FLYWCH1: variants seen among roughly 807,000 people sequenced by gnomAD.
The protein encoded by FLYWCH1 is FLYWCH-type zinc finger-containing protein 1.
Under a neutral mutation model 66.4 loss-of-function variants are expected in FLYWCH1, and 75 were observed. That is an observed-to-expected ratio of 1.13 (90% CI 0.94 to 1.37). The LOEUF (loss-of-function observed/expected upper bound fraction) is 1.37, where lower values mean the gene tolerates loss of function less well. Among genes scored for constraint, FLYWCH1 ranks in the 40% most tolerant of loss-of-function variants. The probability of loss-of-function intolerance (pLI) is 0.00; values close to 1 mark genes in which losing one functional copy is unlikely to be tolerated. For missense variants in FLYWCH1, 1,334 were observed against 1,001.8 expected (o/e 1.33, Z -4.48); for synonymous variants, 595 against 429.9 (o/e 1.38, Z -4.75).
intron 9 of FLYWCH1, among the ~76,000 whole-genome samples, chr16:2,942,281 G>A (rs1274379120): frequency 1.3e-5 from 2 of 151,966 alleles, no homozygotes; most frequent in Non-Finnish European, 2.9e-5. Flanking sequence ...CTGAGTAGCT[G>A]GGACTACATG....
intron 4 of FLYWCH1, among the ~76,000 whole-genome samples, chr16:2,931,252 C>A (rs1232966076): frequency 4.0e-5 from 6 of 148,354 alleles, no homozygotes; most frequent in African/African-American, 1.3e-4. Context: ...GCAGTAAGCC[C>A]AGATCGCTCC....
Position 2,940,037 on chromosome 16 carries a change from A to ATTCAAGTTCAGCTGTGC in FLYWCH1, c.2063_2079dup (p.Thr694PhefsTer115). On this transcript the variant is annotated frameshift_variant, in exon 9 of 10. Transcript: ENST00000253928. LOFTEE classifies it high-confidence loss of function. ...TTTCAATTATTTTTCCACAGAAAAG[A>ATTCAAGTTCAGCTGTGC]TTCAAGTTCAGCTGTGCTTCAAGAC... 6.3e-7 allele frequency: 1 copy of ATTCAAGTTCAGCTGTGC among 1,599,372 alleles called. No homozygotes were observed. Among genetic ancestry groups the ATTCAAGTTCAGCTGTGC allele is most frequent in the Non-Finnish European group, 8.6e-7 (1 of 1,168,724 alleles).
chr16:2,920,935 G>A (rs572087719), intron 2 of FLYWCH1, among the ~76,000 whole-genome samples: 7 of 146,508 alleles, frequency 4.8e-5, no homozygotes, highest in South Asian at 2.3e-4. Flanking sequence ...TCTGCCTCCC[G>A]GGTTCAAGCG....
At position 2,937,392 on chromosome 16, in the gene FLYWCH1, T is replaced by C; in HGVS notation, c.1777+8T>C. 10 of 1,537,838 alleles carry C rather than the reference T, an allele frequency of 6.5e-6. No individual in the cohort carries two copies. The highest frequency in any genetic ancestry group is 8.7e-6 in the Non-Finnish European group (10 of 1,145,048). ...CGCAGTGGGACAGCCCAGGTGCGTG[T>C]GGAGGGTGCTGGGCTGGGTCTGCCT... On this transcript the variant is annotated splice_region_variant and intron_variant, in intron 7 of 9. Transcript: ENST00000253928.
In FLYWCH1 at chr16:2,938,439, C is replaced by T; in HGVS notation, c.2033C>T (p.Ala678Val). The change falls in exon 8 of 10, where the codon GCC becomes GTC. Residue 678 changes from alanine (A) to valine (V), a missense_variant. Transcript: ENST00000253928. ...CAACGGGAGCGGCTCCCCACCACGG[C>T]CCAGCAGGAGGACCCAGGTACAGGC... ...LRQRERLPTT[A>V]QQEDPEKIQV... 6.6e-7 allele frequency: 1 copy of T among 1,525,790 alleles called. No homozygotes were observed. Among genetic ancestry groups the T allele is most frequent in the Non-Finnish European group, 8.8e-7 (1 of 1,137,820 alleles). 94.5% of individuals were successfully genotyped at this position (1,525,790 alleles called of 1,614,324 possible).
chr16:2,929,910 C>T lies in FLYWCH1; in HGVS notation c.225C>T (p.Thr75=), dbSNP rs762024599. The T allele has an allele frequency of 8.7e-6, 14 of 1,613,652 alleles. No individual in the cohort carries two copies. The Middle Eastern group carries it at 4.9e-4, about 57-fold the overall frequency. Residue 75 remains threonine (T), a synonymous_variant, in exon 3 of 10, where the codon ACC becomes ACT. Coordinates refer to ENST00000253928, the MANE Select transcript of FLYWCH1 (RefSeq NM_001308068.2). ...VLSLEMAGPA[T]LASTLQILPV... is the part of the protein sequence containing the mutation. Reference sequence around the variant, plus strand: ...CCCTGGAGATGGCTGGCCCCGCCACCCTCGCCAGCACCTTGCAGATCCTGC... The same window carrying T: ...CCCTGGAGATGGCTGGCCCCGCCACTCTCGCCAGCACCTTGCAGATCCTGC...
At position 2,930,706 on chromosome 16, in the gene FLYWCH1, C is replaced by G; in HGVS notation, c.622C>G (p.Pro208Ala). ...GLGEPQGPEG[P>A]GGRVEEPLEG... Reference sequence around the variant, plus strand: ...GGGAGAGCCCCAGGGTCCTGAGGGCCCTGGAGGCCGAGTGGAGGAGCCCCT... The same window carrying G: ...GGGAGAGCCCCAGGGTCCTGAGGGCGCTGGAGGCCGAGTGGAGGAGCCCCT... Residue 208 changes from proline (P) to alanine (A), a missense_variant, in exon 4 of 10, where the codon CCT (proline) becomes GCT (alanine). Physicochemically the swap from Pro to Ala is conservative, Grantham distance 27 (BLOSUM62 -1). Transcript: ENST00000253928. 6.5e-7 allele frequency: 1 copy of G among 1,544,864 alleles called. No individual in the cohort carries two copies. Among genetic ancestry groups the G allele is most frequent in the South Asian group, 1.2e-5 (1 of 84,222 alleles).
chr16:2,920,664 C>T lies in FLYWCH1; in HGVS notation c.-74+6375C>T, dbSNP rs540723877. Among the ~76,000 whole-genome samples, 766 of 152,038 alleles carry T rather than the reference C, an allele frequency of 5.0e-3. 6 individuals carry two copies. The highest frequency in any genetic ancestry group is 0.027 in the Middle Eastern group (8 of 294). ...ATAGCGTGAGCTCCTGCCTCAGCCT[C>T]CCGAGTAGCTGGGATTGCAGGCATA... On this transcript the variant is annotated intron_variant, in intron 2 of 9. Transcript: ENST00000253928.
At position 2,949,152 on chromosome 16, in the gene FLYWCH1, G is replaced by A. The variant is rs1049607364; in HGVS notation, c.*425G>A. On this transcript the variant is annotated 3_prime_UTR_variant, in exon 10 of 10. Transcript: ENST00000253928. Reference sequence around the variant, plus strand: ...TGCTGCTGTCTTGGAGCCTGGGCACGTTTGGGGAAGTTCCTGCTTCAAACT... The same window carrying A: ...TGCTGCTGTCTTGGAGCCTGGGCACATTTGGGGAAGTTCCTGCTTCAAACT... 8 of 189,066 alleles carry A rather than the reference G, an allele frequency of 4.2e-5. No individual in the cohort carries two copies. In the South Asian group the frequency reaches 5.1e-4, roughly 12 times the overall value. The allele number at this position is 189,066 out of a possible 1,614,324, so 11.7% of individuals were successfully genotyped here.
chr16:2,938,486 G>C (rs769692218), intron 8 of FLYWCH1, 30 bp downstream of exon 8: 1 of 1,500,662 alleles, frequency 6.7e-7, no homozygotes, highest in East Asian at 2.3e-5. Flanking sequence ...CAGAGGCAGG[G>C]CTGTGGGCAT....
intron 9 of FLYWCH1, among the ~76,000 whole-genome samples, chr16:2,946,884 C>T (rs561607019): frequency 1.2e-4 from 19 of 152,244 alleles, no homozygotes; most frequent in African/African-American, 4.3e-4. Flanking sequence ...CTGGAACCCT[C>T]ATACTCTCTT....
Position 2,929,931 on chromosome 16 carries a change from C to T in FLYWCH1, c.246C>T (p.Ile82=). The T allele has an allele frequency of 1.2e-6, 2 of 1,613,694 alleles. No homozygotes were observed. The highest frequency in any genetic ancestry group is 2.2e-5 in the South Asian group (2 of 91,082). ...CCACCCTCGCCAGCACCTTGCAGAT[C>T]CTGCCAGTTGAGGAGCAGGGAGGGG... ...GPATLASTLQ[I]LPVEEQGGVV... The change falls in exon 3 of 10, where the codon ATC becomes ATT. Residue 82 remains isoleucine (I), a synonymous_variant. Transcript: ENST00000253928.
intron 2 of FLYWCH1, chr16:2,922,640 T>A (rs2070414604): frequency 7.1e-6 from 3 of 422,570 alleles, no homozygotes; most frequent in African/African-American, 2.1e-5. Context: ...TATTTAGAAT[T>A]AGCCAGCCGG....
chr16:2,938,042 G>A, intron 7 of FLYWCH1, 142 bp from the exon 8 acceptor site: 1 of 794,198 alleles, frequency 1.3e-6, no homozygotes, highest in Non-Finnish European at 2.0e-6. Context: ...GGGCCCAGAG[G>A]GGAGGAGGGC....
intron 9 of FLYWCH1, among the ~76,000 whole-genome samples, chr16:2,941,838 T>A (rs1179064835): frequency 6.6e-6 from 1 of 151,694 alleles, no homozygotes; most frequent in Non-Finnish European, 1.5e-5. Context: ...CTGACCAACA[T>A]GGTGAAACCC....
At chr16:2,938,726 C>A (rs1185409478) in intron 8 of FLYWCH1, among the ~76,000 whole-genome samples, 2 of 95,126 alleles carry the variant, frequency 2.1e-5, no homozygotes, top group African/African-American at 5.6e-5. Context: ...CATTCTCCTG[C>A]CTCAGCCTCC....
At chr16:2,938,523 T>A in intron 8 of FLYWCH1, 67 bp downstream of exon 8, 1 of 1,444,864 alleles carries the variant, frequency 6.9e-7, no homozygotes, top group Admixed American at 2.5e-5. Flanking sequence ...TCAGAACTGA[T>A]GCCCCAGGCC....
chr16:2,934,153 C>T (rs551296793), intron 6 of FLYWCH1, among the ~76,000 whole-genome samples, 174 bp downstream of exon 6: 8 of 152,288 alleles, frequency 5.3e-5, no homozygotes, highest in Admixed American at 3.3e-4. Flanking sequence ...ATGCCGCTTT[C>T]AATGGGTCTC....
chr16:2,918,096 C>A (rs916882671), intron 2 of FLYWCH1, among the ~76,000 whole-genome samples: 4 of 151,414 alleles, frequency 2.6e-5, no homozygotes, highest in Non-Finnish European at 4.4e-5. Flanking sequence ...ACCTCGGCCT[C>A]CCAAAGTGCT....
Sources: allele counts gnomAD v4.1 joint callset (sites outside exome capture counted in the v4.1 genomes callset), GRCh38; gene constraint gnomAD v4.1.1; transcripts MANE v1.5; gene names NCBI Gene and HGNC (gene_info 2026-07-23, HGNC 2026-07-21).